The following TYW1 variants were observed in gnomAD, a reference collection of about 807,000 sequenced individuals.
The protein encoded by TYW1 is tRNA-yW synthesizing protein 1 homolog, also known as S-adenosyl-L-methionine-dependent tRNA 4-demethylwyosine synthase TYW1.
TYW1 carries 46 observed loss-of-function variants against 96.2 expected under a neutral mutation model. The ratio of observed to expected loss-of-function variants is 0.48; its 90% CI spans 0.38 to 0.61. The LOEUF (loss-of-function observed/expected upper bound fraction) is 0.61. Ranked by LOEUF, TYW1 falls within the 20% of genes least tolerant of loss-of-function variation. The pLI is 0.00. For missense variants in TYW1, 684 were observed against 909.6 expected, an observed-to-expected ratio of 0.75 and a Z score of 3.19; for synonymous variants, 274 against 323.0, an observed-to-expected ratio of 0.85 and a Z score of 1.63.
At chr7:67,154,280 T>C (rs1326392031) in intron 13 of TYW1, among the ~76,000 whole-genome samples, 2 of 152,210 alleles carry the variant, frequency 1.3e-5, no homozygotes, top group Non-Finnish European at 2.9e-5. Flanking sequence ...CAGTTGAGCA[T>C]ACTTTTATTT....
chr7:67,203,021 TGTTTA>T (rs1486438629), intron 15 of TYW1, among the ~76,000 whole-genome samples: 1 of 152,254 alleles, frequency 6.6e-6, no homozygotes, highest in African/African-American at 2.4e-5. Flanking sequence ...CACATGTGTG[TGTTTA>T]GTTCTGTGCT....
chr7:67,218,086 T>C (rs1187174105), intron 15 of TYW1, among the ~76,000 whole-genome samples: 1 of 151,770 alleles, frequency 6.6e-6, no homozygotes, highest in Non-Finnish European at 1.5e-5. Context: ...CTCGAACTCC[T>C]GACCTTAGGT....
At chr7:67,032,289 G>A (rs1355882514) in intron 7 of TYW1, among the ~76,000 whole-genome samples, 1 of 151,946 alleles carries the variant, frequency 6.6e-6, no homozygotes, top group African/African-American at 2.4e-5. Flanking sequence ...ATCTCCGTAG[G>A]GTTTGGGAGC....
chr7:67,178,187 T>C (rs935329341), intron 13 of TYW1, among the ~76,000 whole-genome samples: 2 of 146,034 alleles, frequency 1.4e-5, no homozygotes, highest in Admixed American at 6.9e-5. Flanking sequence ...AAACAGGAGG[T>C]GGGGAGAGGG....
At chr7:67,090,268 A>G (rs2115812080) in intron 11 of TYW1, among the ~76,000 whole-genome samples, 1 of 152,338 alleles carries the variant, frequency 6.6e-6, no homozygotes, top group South Asian at 2.1e-4. Flanking sequence ...GGTATTATTT[A>G]TGACTTTTAG....
chr7:67,094,651 AGTGTGTGTGTGTGTGT>A (rs56069939), intron 11 of TYW1, among the ~76,000 whole-genome samples: 4 of 141,716 alleles, frequency 2.8e-5, no homozygotes, highest in South Asian at 4.6e-4. Flanking sequence ...AGAGAATTAG[AGTGTGTGTGTGTGTGT>A]GTGTGTGTGT....
chr7:67,050,694 G>A (rs1378242092), intron 8 of TYW1, among the ~76,000 whole-genome samples: 1 of 151,882 alleles, frequency 6.6e-6, no homozygotes, highest in Non-Finnish European at 1.5e-5. Flanking sequence ...ATTTTAATTA[G>A]GGTAGATTAT....
chr7:67,110,848 T>G (rs1353235724), intron 12 of TYW1, among the ~76,000 whole-genome samples: 2 of 151,958 alleles, frequency 1.3e-5, no homozygotes, highest in Non-Finnish European at 2.9e-5. Context: ...CTACAAAAAA[T>G]TAAAACATTA....
intron 4 of TYW1, among the ~76,000 whole-genome samples, chr7:67,010,717 C>T (rs991034845): frequency 2.0e-5 from 3 of 151,374 alleles, no homozygotes; most frequent in South Asian, 2.1e-4. Context: ...CCTTGTGATC[C>T]GCCTGCCTCG....
At chr7:67,099,714 G>T (rs982184015) in intron 12 of TYW1, among the ~76,000 whole-genome samples, 1 of 152,126 alleles carries the variant, frequency 6.6e-6, no homozygotes, top group African/African-American at 2.4e-5. Flanking sequence ...TAAAAAAGAT[G>T]CTGTTAAGCC....
At chr7:67,235,912 A>AAAGAAAAAG (rs1554398576) in intron 15 of TYW1, among the ~76,000 whole-genome samples, 1 of 142,544 alleles carries the variant, frequency 7.0e-6, no homozygotes, top group Admixed American at 7.3e-5. Flanking sequence ...AAAAAAAAAG[A>AAAGAAAAAG]AAAAGAGGTG....
intron 13 of TYW1, among the ~76,000 whole-genome samples, chr7:67,120,263 G>A (rs1425425411): frequency 1.3e-5 from 2 of 150,622 alleles, no homozygotes; most frequent in Admixed American, 1.3e-4. Context: ...TGTATTTTTA[G>A]TAGAGATGGG....
At chr7:67,063,816 A>G (rs577949823) in intron 9 of TYW1, among the ~76,000 whole-genome samples, 113 of 152,052 alleles carry the variant, frequency 7.4e-4, no homozygotes, top group African/African-American at 2.6e-3. Flanking sequence ...GTTAGCCAGG[A>G]TGGTCTTGAT....
intron 13 of TYW1, among the ~76,000 whole-genome samples, chr7:67,162,313 CAAAAAAAA>C (rs60661089): frequency 0.065 from 6,652 of 102,218 alleles, 274 homozygotes; most frequent in African/African-American, 0.15. Context: ...GACTCTGTCT[CAAAAAAAA>C]AAAAAAAAAA....
chr7:67,138,012 G>A (rs1486334119), intron 13 of TYW1, among the ~76,000 whole-genome samples: 2 of 152,158 alleles, frequency 1.3e-5, no homozygotes, highest in Non-Finnish European at 2.9e-5. Flanking sequence ...TCTGGACTAG[G>A]CCTTGTGCTC....
intron 15 of TYW1, among the ~76,000 whole-genome samples, chr7:67,205,238 C>G (rs1800748421): frequency 6.6e-6 from 1 of 152,084 alleles, no homozygotes; most frequent in Non-Finnish European, 1.5e-5. Context: ...TTCTATTGAC[C>G]TATTGTAGGA....
chr7:67,038,732 C>T (rs577565919), intron 7 of TYW1, among the ~76,000 whole-genome samples: 13 of 151,984 alleles, frequency 8.6e-5, no homozygotes, highest in Non-Finnish European at 1.3e-4. Context: ...GGCGAAACCC[C>T]GTCTCTACTA....
At chr7:67,228,453 G>A (rs1357924119) in intron 15 of TYW1, among the ~76,000 whole-genome samples, 1 of 152,160 alleles carries the variant, frequency 6.6e-6, no homozygotes, top group Non-Finnish European at 1.5e-5. Context: ...CAACACATGG[G>A]AATTGTGGGA....
chr7:67,237,499 CAAA>C (rs386410332), intron 15 of TYW1, among the ~76,000 whole-genome samples: 34,486 of 98,296 alleles, frequency 0.35, 4,026 homozygotes, highest in South Asian at 0.4. Flanking sequence ...GACTCTGTCT[CAAA>C]AAAAAAAAAA....
Sources: gnomAD v4.1 joint callset for allele counts (sites outside exome capture counted in the v4.1 genomes callset) on GRCh38, gnomAD v4.1.1 for gene constraint, MANE v1.5 for transcripts, NCBI Gene and HGNC (gene_info 2026-07-23, HGNC 2026-07-21) for gene names.